CADM2: variants seen among roughly 807,000 people sequenced by gnomAD.
CADM2 encodes the protein cell adhesion molecule 2, also known as immunoglobulin superfamily member 4D.
A neutral mutation model predicts 49.8 loss-of-function variants in CADM2; 12 were observed. The ratio of observed to expected loss-of-function variants is 0.24; its 90% confidence interval spans 0.15 to 0.39. CADM2 has a LOEUF of 0.39. CADM2 is among the 10% of genes least tolerant of loss of function. The probability of loss-of-function intolerance (pLI) is 1.00; values close to 1 mark genes in which losing one functional copy is unlikely to be tolerated. For synonymous variants in CADM2, 214 were observed against 175.4 expected (o/e 1.22, Z -1.74); for missense variants, 378 against 492.3 (o/e 0.77, Z 2.20).
At chr3:85,289,963 C>T (rs2043738789) in intron 1 of CADM2, among the ~76,000 whole-genome samples, 1 of 152,156 alleles carries the variant, frequency 6.6e-6, no homozygotes, top group Admixed American at 6.5e-5. Flanking sequence ...AGGAACAGCT[C>T]CAGTCTACAG....
chr3:85,624,372 A>G (rs1473811245), intron 1 of CADM2, among the ~76,000 whole-genome samples: 2 of 152,068 alleles, frequency 1.3e-5, no homozygotes, highest in Non-Finnish European at 2.9e-5. Context: ...CCGCTCTGTC[A>G]TCCAGGCTGG....
At chr3:86,030,597 A>G (rs1188627746) in intron 8 of CADM2, among the ~76,000 whole-genome samples, 2 of 151,962 alleles carry the variant, frequency 1.3e-5, no homozygotes, top group East Asian at 1.9e-4. Context: ...CACACAAGTG[A>G]GCAAGAATTC....
chr3:85,376,797 G>T (rs768074324), intron 1 of CADM2, among the ~76,000 whole-genome samples: 1 of 151,770 alleles, frequency 6.6e-6, no homozygotes, highest in African/African-American at 2.4e-5. Flanking sequence ...GAGTAATTTT[G>T]CTTTTAAAAT....
intron 2 of CADM2, among the ~76,000 whole-genome samples, chr3:85,801,634 C>T (rs1397006832): frequency 1.3e-5 from 2 of 152,024 alleles, no homozygotes; most frequent in Non-Finnish European, 2.9e-5. Flanking sequence ...TAAAAGCTAC[C>T]AGGGAAATAT....
intron 7 of CADM2, among the ~76,000 whole-genome samples, chr3:85,943,704 T>C (rs916498929): frequency 2.6e-5 from 4 of 151,802 alleles, no homozygotes; most frequent in Admixed American, 2.0e-4. Flanking sequence ...AACAGAGATA[T>C]AGATCAATGG....
At chr3:85,772,425 C>G (rs564356857) in intron 2 of CADM2, among the ~76,000 whole-genome samples, 6 of 152,132 alleles carry the variant, frequency 3.9e-5, no homozygotes, top group African/African-American at 1.4e-4. Flanking sequence ...ATGTGTCCAT[C>G]TAAGTAGAAT....
chr3:85,845,709 G>A (rs1313207665), intron 3 of CADM2, among the ~76,000 whole-genome samples: 2 of 152,098 alleles, frequency 1.3e-5, no homozygotes, highest in Non-Finnish European at 2.9e-5. Flanking sequence ...GTTTGAGTGG[G>A]CCTCAAGGCT....
intron 1 of CADM2, among the ~76,000 whole-genome samples, chr3:85,533,353 G>A (rs1165253612): frequency 6.6e-6 from 1 of 152,050 alleles, no homozygotes; most frequent in Non-Finnish European, 1.5e-5. Flanking sequence ...AGGTGATATT[G>A]GTAACTGATT....
At chr3:85,243,458 T>C (rs1183734904) in intron 1 of CADM2, among the ~76,000 whole-genome samples, 6 of 152,114 alleles carry the variant, frequency 3.9e-5, no homozygotes, top group Admixed American at 6.6e-5. Context: ...TCCAAAGAAC[T>C]ATCATTCATA....
At chr3:85,474,956 T>C (rs1049805582) in intron 1 of CADM2, among the ~76,000 whole-genome samples, 2 of 151,940 alleles carry the variant, frequency 1.3e-5, no homozygotes, top group Non-Finnish European at 2.9e-5. Flanking sequence ...AAAGATTTTA[T>C]AGACATTGCT....
At chr3:85,313,064 G>A (rs1397267814) in intron 1 of CADM2, among the ~76,000 whole-genome samples, 1 of 152,118 alleles carries the variant, frequency 6.6e-6, no homozygotes, top group Non-Finnish European at 1.5e-5. Flanking sequence ...TTTGAAACAG[G>A]TAGACAGCTA....
At chr3:85,088,247 C>A (rs1398597166) in intron 1 of CADM2, among the ~76,000 whole-genome samples, 1 of 152,094 alleles carries the variant, frequency 6.6e-6, no homozygotes, top group Non-Finnish European at 1.5e-5. Context: ...AGTAATGGCT[C>A]AAGTCCTAAA....
At chr3:85,328,495 C>G (rs2044817359) in intron 1 of CADM2, among the ~76,000 whole-genome samples, 1 of 152,168 alleles carries the variant, frequency 6.6e-6, no homozygotes, top group African/African-American at 2.4e-5. Context: ...ACAGGACAGC[C>G]AATGACAACT....
chr3:85,699,793 A>G (rs1014321108), intron 1 of CADM2, among the ~76,000 whole-genome samples: 2 of 152,236 alleles, frequency 1.3e-5, no homozygotes, highest in Admixed American at 6.5e-5. Context: ...TTTCTGTGCT[A>G]TTAGCATTTG....
chr3:86,015,089 C>G, intron 8 of CADM2: 1 of 603,458 alleles, frequency 1.7e-6, no homozygotes, highest in East Asian at 2.8e-5. Context: ...CAGAGCTTCC[C>G]ACAGATAATT....
chr3:84,982,415 CTAAA>C (rs1481970923), intron 1 of CADM2, among the ~76,000 whole-genome samples: 2 of 151,778 alleles, frequency 1.3e-5, no homozygotes, highest in African/African-American at 2.4e-5. Context: ...TCAACATAAA[CTAAA>C]TATCTGGATA....
At chr3:85,692,980 A>C (rs1021789394) in intron 1 of CADM2, among the ~76,000 whole-genome samples, 1 of 152,136 alleles carries the variant, frequency 6.6e-6, no homozygotes, top group African/African-American at 2.4e-5. Flanking sequence ...CTGTAATCCC[A>C]GCGCTTTGTG....
chr3:85,270,964 G>A lies in CADM2; in HGVS notation c.61+311296G>A, dbSNP rs150666822. Among the ~76,000 whole-genome samples, 14 of 151,378 alleles carry A rather than the reference G, an allele frequency of 9.2e-5. 1 individual carries two copies. The South Asian group carries it at 1.5e-3, about 16-fold the overall frequency. ...TGTCATGTGTGATGCATGGATTCAGGTTTTCTTGCTTGTGTTTTTCAATTT... is the reference window on the plus strand; with the variant it reads ...TGTCATGTGTGATGCATGGATTCAGATTTTCTTGCTTGTGTTTTTCAATTT... On this transcript the variant is annotated intron_variant, in intron 1 of 9. Transcript: ENST00000383699.
chr3:85,505,300 T>A (rs1395331509), intron 1 of CADM2, among the ~76,000 whole-genome samples: 1 of 152,232 alleles, frequency 6.6e-6, no homozygotes, highest in Non-Finnish European at 1.5e-5. Flanking sequence ...TCAGTATATA[T>A]GCGTATATTC....
Sources: gnomAD v4.1 joint callset for allele counts (sites outside exome capture counted in the v4.1 genomes callset) on GRCh38, gnomAD v4.1.1 for gene constraint, MANE v1.5 for transcripts, NCBI Gene and HGNC (gene_info 2026-07-23, HGNC 2026-07-21) for gene names.